The following NPSR1 variants were observed in gnomAD, a reference collection of about 807,000 sequenced individuals.
NPSR1 encodes the protein neuropeptide S receptor 1.
A neutral mutation model predicts 46.9 loss-of-function variants in NPSR1; 48 were observed. The observed-to-expected ratio is 1.02, with a 90% CI of 0.81 to 1.30. The LOEUF (loss-of-function observed/expected upper bound fraction) is 1.30. Among genes scored for constraint, NPSR1 ranks in the 50% most tolerant of loss-of-function variants. NPSR1 has a pLI of 0.00. For missense variants in NPSR1, 450 were observed against 449.5 expected, an observed-to-expected ratio of 1.00 and a Z score of -0.01; for synonymous variants, 176 against 168.1, an observed-to-expected ratio of 1.05 and a Z score of -0.36.
At chr7:34,763,918 T>C (rs990858570) in intron 2 of NPSR1, among the ~76,000 whole-genome samples, 1 of 152,006 alleles carries the variant, frequency 6.6e-6, no homozygotes, top group Non-Finnish European at 1.5e-5. Context: ...AAGACTTGAC[T>C]TTTTTTTAGT....
chr7:34,736,516 T>G (rs2530531), intron 2 of NPSR1, among the ~76,000 whole-genome samples: 2 of 151,904 alleles, frequency 1.3e-5, no homozygotes, highest in African/African-American at 4.8e-5. Context: ...GTACCCACAC[T>G]GGCGAACAAA....
intron 7 of NPSR1, among the ~76,000 whole-genome samples, chr7:34,846,581 T>A (rs1395978588): frequency 6.6e-6 from 1 of 152,090 alleles, no homozygotes; most frequent in Non-Finnish European, 1.5e-5. Flanking sequence ...ACTAGAAGAA[T>A]AATGAAGTAG....
intron 2 of NPSR1, among the ~76,000 whole-genome samples, chr7:34,690,453 A>G (rs1191219717): frequency 6.6e-6 from 1 of 152,184 alleles, no homozygotes; most frequent in Non-Finnish European, 1.5e-5. Context: ...ATTGATTTTT[A>G]AAAAGCTCAA....
chr7:34,838,022 G>T (rs541161615), intron 6 of NPSR1, among the ~76,000 whole-genome samples: 2 of 152,220 alleles, frequency 1.3e-5, no homozygotes, highest in South Asian at 4.1e-4. Context: ...GGTCTGACAT[G>T]CTCCTCCCTG....
chr7:34,875,189 A>G (rs1307665419), intron 8 of NPSR1, among the ~76,000 whole-genome samples: 2 of 152,226 alleles, frequency 1.3e-5, no homozygotes, highest in Non-Finnish European at 2.9e-5. Flanking sequence ...TTCAGGCCCT[A>G]GTCCCACACA....
At chr7:34,723,540 A>AATAT (rs1184240624) in intron 2 of NPSR1, 1 of 151,722 alleles carries the variant, frequency 6.6e-6, no homozygotes, top group Non-Finnish European at 1.5e-5. Flanking sequence ...TAAATAAATA[A>AATAT]ATAAATAAAT....
At chr7:34,786,344 G>T (rs1038537366) in intron 3 of NPSR1, among the ~76,000 whole-genome samples, 1 of 152,050 alleles carries the variant, frequency 6.6e-6, no homozygotes, top group African/African-American at 2.4e-5. Context: ...AAGCAATTCA[G>T]TCACATGTAC....
At chr7:34,706,150 A>G (rs964295171) in intron 2 of NPSR1, among the ~76,000 whole-genome samples, 27 of 151,224 alleles carry the variant, frequency 1.8e-4, no homozygotes, top group African/African-American at 4.8e-4. Flanking sequence ...TTGATAGGTT[A>G]TCCAATTTTG....
At chr7:34,849,288 A>T (rs1261545447) in intron 8 of NPSR1, 2 of 1,418,282 alleles carry the variant, frequency 1.4e-6, no homozygotes, top group African/African-American at 2.8e-5. Flanking sequence ...GTTATTTAAC[A>T]TCTGTAAACC....
chr7:34,735,687 G>A (rs1391284035), intron 2 of NPSR1, among the ~76,000 whole-genome samples: 1 of 152,214 alleles, frequency 6.6e-6, no homozygotes, highest in Non-Finnish European at 1.5e-5. Flanking sequence ...CTTTGAAACA[G>A]TAGTTAAGGT....
At chr7:34,740,819 C>A (rs758943943) in intron 2 of NPSR1, among the ~76,000 whole-genome samples, 3 of 152,112 alleles carry the variant, frequency 2.0e-5, no homozygotes, top group Non-Finnish European at 4.4e-5. Context: ...CTCGGCTTTC[C>A]TGATTTATTC....
intron 2 of NPSR1, among the ~76,000 whole-genome samples, chr7:34,720,656 G>A (rs1243808785): frequency 6.6e-6 from 1 of 152,048 alleles, no homozygotes; most frequent in African/African-American, 2.4e-5. Flanking sequence ...GTATTTAAGA[G>A]TCCTGAAGAG....
chr7:34,804,966 G>C (rs1584060715), intron 3 of NPSR1, among the ~76,000 whole-genome samples: 1 of 151,684 alleles, frequency 6.6e-6, no homozygotes, highest in Non-Finnish European at 1.5e-5. Flanking sequence ...TGAAACTTAG[G>C]TGTAAATCTA....
chr7:34,768,907 T>G (rs1462923312), intron 2 of NPSR1, among the ~76,000 whole-genome samples: 1 of 152,158 alleles, frequency 6.6e-6, no homozygotes, highest in Admixed American at 6.5e-5. Flanking sequence ...GGGAAGAGTC[T>G]ACTATGTATT....
intron 2 of NPSR1, among the ~76,000 whole-genome samples, chr7:34,754,657 TTCACC>T (rs1200709524): frequency 6.6e-6 from 1 of 152,176 alleles, no homozygotes; most frequent in Non-Finnish European, 1.5e-5. Flanking sequence ...AACAATACAG[TTCACC>T]CATTAAAAGT....
chr7:34,739,727 C>A (rs528381690), intron 2 of NPSR1, among the ~76,000 whole-genome samples: 127 of 152,292 alleles, frequency 8.3e-4, no homozygotes, highest in African/African-American at 2.8e-3. Flanking sequence ...CTGGTACTGC[C>A]AGAGTCTGCC....
At position 34,684,662 on chromosome 7, in the gene NPSR1, T is replaced by G. The variant is rs1214003528; in HGVS notation, c.258T>G (p.Phe86Leu). The G allele has an allele frequency of 6.2e-7, 1 of 1,612,808 alleles. No homozygotes were observed. Among genetic ancestry groups the G allele is most frequent in the Non-Finnish European group, 8.5e-7 (1 of 1,179,564 alleles). The change falls in exon 2 of 9, where the codon TTT becomes TTG. Residue 86 changes from phenylalanine to leucine, a missense_variant. By Grantham distance (22) the Phe-to-Leu change is conservative. Transcript: ENST00000360581. ...AGAAGAAGTCAAGAATGACCTTCTTTGTGACTCAGCTGGCCATCACAGGTA... is the reference window on the plus strand; with the variant it reads ...AGAAGAAGTCAAGAATGACCTTCTTGGTGACTCAGCTGGCCATCACAGGTA... The part of the protein sequence containing the change: ...RRKKKSRMTF[F>L]VTQLAITDSF...
At chr7:34,841,816 A>G (rs1790575212) in intron 6 of NPSR1, among the ~76,000 whole-genome samples, 1 of 152,192 alleles carries the variant, frequency 6.6e-6, no homozygotes, top group South Asian at 2.1e-4. Flanking sequence ...TTTCTGAAAG[A>G]CCAACTTAGT....
chr7:34,743,177 A>G (rs1016635488), intron 2 of NPSR1, among the ~76,000 whole-genome samples: 1 of 151,964 alleles, frequency 6.6e-6, no homozygotes, highest in Non-Finnish European at 1.5e-5. Flanking sequence ...TCAATTGTTG[A>G]TTTTGTTGTG....
Sources: allele counts gnomAD v4.1 joint callset (sites outside exome capture counted in the v4.1 genomes callset), GRCh38; gene constraint gnomAD v4.1.1; transcripts MANE v1.5; gene names NCBI Gene and HGNC (gene_info 2026-07-23, HGNC 2026-07-21).